CEP112: variants seen among roughly 807,000 people sequenced by gnomAD.
CEP112 encodes centrosomal protein of 112 kDa.
In CEP112, 127 loss-of-function variants were observed where a neutral mutation model predicts 153.0. The observed-to-expected ratio is 0.83, with a 90% CI of 0.72 to 0.96. The LOEUF is 0.96. Among genes scored for constraint, CEP112 ranks in the 40% least tolerant of loss-of-function variants. The probability of loss-of-function intolerance (pLI) is 0.00; values close to 1 mark genes in which losing one functional copy is unlikely to be tolerated. For missense variants in CEP112, 1,089 were observed against 1,101.2 expected (o/e 0.99, Z 0.16); for synonymous variants, 358 against 374.4 (o/e 0.96, Z 0.51).
In CEP112 at chr17:66,055,339, G is replaced by C. The variant is rs1357948652; in HGVS notation, c.1075-1460C>G. Among the ~76,000 whole-genome samples, 5 of 152,134 alleles carry C rather than the reference G, an allele frequency of 3.3e-5. No individual in the cohort carries two copies. The East Asian group carries it at 9.6e-4, about 29-fold the overall frequency. On this transcript the variant is annotated intron_variant, in intron 11 of 26. Coordinates refer to ENST00000535342, the MANE Select transcript of CEP112 (RefSeq NM_001199165.4). ...TTGCAAGTTTAACATACACAGTTTT[G>C]ATTATTTGTAAGTGGTCCCCGAAAT...
intron 19 of CEP112, 122 bp downstream of exon 19, chr17:65,927,460 T>C: frequency 3.4e-6 from 2 of 590,800 alleles, no homozygotes; most frequent in East Asian, 3.3e-5. Context: ...TTTAAATATA[T>C]TGGTAACAAC....
At chr17:66,007,716 T>C (rs2064333752) in intron 16 of CEP112, among the ~76,000 whole-genome samples, 1 of 152,118 alleles carries the variant, frequency 6.6e-6, no homozygotes, top group South Asian at 2.1e-4. Context: ...GAAAAGTCAA[T>C]GTATTCAAGT....
At chr17:66,063,522 G>A (rs2067002169) in intron 10 of CEP112, among the ~76,000 whole-genome samples, 1 of 152,026 alleles carries the variant, frequency 6.6e-6, no homozygotes, top group African/African-American at 2.4e-5. Context: ...GGGGGTGTGG[G>A]CTAAAAACTA....
intron 8 of CEP112, among the ~76,000 whole-genome samples, chr17:66,072,807 C>A (rs2067352226): frequency 6.6e-6 from 1 of 152,088 alleles, no homozygotes; most frequent in South Asian, 2.1e-4. Flanking sequence ...TCTATATTTC[C>A]ACCCTGTACT....
intron 20 of CEP112, among the ~76,000 whole-genome samples, chr17:65,872,754 A>G (rs2058705396): frequency 1.3e-5 from 2 of 152,210 alleles, no homozygotes; most frequent in South Asian, 4.1e-4. Context: ...TAATTTTTTC[A>G]CTGAAAACTA....
At chr17:66,168,433 GTATA>G (rs199719780) in intron 4 of CEP112, among the ~76,000 whole-genome samples, 2 of 147,100 alleles carry the variant, frequency 1.4e-5, no homozygotes, top group African/African-American at 2.5e-5. Flanking sequence ...GTATATATAT[GTATA>G]TATATGTGTG....
chr17:65,663,427 G>C (rs1245826913), intron 24 of CEP112, among the ~76,000 whole-genome samples: 1 of 152,152 alleles, frequency 6.6e-6, no homozygotes, highest in Non-Finnish European at 1.5e-5. Flanking sequence ...ACATGGTATA[G>C]CTCAACTTAG....
chr17:65,849,399 T>A (rs2057843101), intron 21 of CEP112, among the ~76,000 whole-genome samples: 1 of 152,222 alleles, frequency 6.6e-6, no homozygotes, highest in Non-Finnish European at 1.5e-5. Context: ...ATTATTTTTC[T>A]ATTTGAGGGC....
intron 12 of CEP112, among the ~76,000 whole-genome samples, chr17:66,044,987 T>C (rs1402041150): frequency 6.6e-6 from 1 of 151,758 alleles, no homozygotes; most frequent in East Asian, 1.9e-4. Context: ...GGGGATGAAA[T>C]GGCTATTTTA....
intron 4 of CEP112, among the ~76,000 whole-genome samples, chr17:66,174,554 C>T (rs1214595882): frequency 6.6e-6 from 1 of 152,140 alleles, no homozygotes; most frequent in Non-Finnish European, 1.5e-5. Context: ...TCTATCCCTT[C>T]CCTAAAGCCA....
intron 6 of CEP112, among the ~76,000 whole-genome samples, chr17:66,124,477 T>C (rs2069749117): frequency 1.3e-5 from 2 of 152,138 alleles, no homozygotes; most frequent in African/African-American, 4.8e-5. Context: ...TATCTGTTGA[T>C]CCAGCCAAAC....
At chr17:65,699,242 G>C (rs2048503098) in intron 23 of CEP112, among the ~76,000 whole-genome samples, 1 of 152,228 alleles carries the variant, frequency 6.6e-6, no homozygotes, top group African/African-American at 2.4e-5. Context: ...GCTTGGCAAA[G>C]TGTTATTTAC....
chr17:65,971,547 GTA>G (rs1453024185), intron 17 of CEP112, among the ~76,000 whole-genome samples: 5 of 151,976 alleles, frequency 3.3e-5, no homozygotes, highest in East Asian at 3.9e-4. Flanking sequence ...TATGTTGCAT[GTA>G]TGTTACATGT....
intron 24 of CEP112, 54 bp downstream of exon 24, chr17:65,689,075 C>T (rs1372322233): frequency 1.5e-6 from 2 of 1,329,194 alleles, no homozygotes; most frequent in African/African-American, 2.9e-5. Context: ...GCTGCACACA[C>T]TTCTTGACCT....
intron 8 of CEP112, among the ~76,000 whole-genome samples, chr17:66,078,551 C>T (rs556477935): frequency 2.6e-5 from 4 of 152,172 alleles, no homozygotes; most frequent in African/African-American, 9.6e-5. Context: ...CCACTGTGCT[C>T]GGGAAGTTTT....
intron 4 of CEP112, among the ~76,000 whole-genome samples, chr17:66,144,628 G>T (rs1320246575): frequency 6.6e-6 from 1 of 152,166 alleles, no homozygotes; most frequent in African/African-American, 2.4e-5. Context: ...AGGAGGTGGA[G>T]GTTGCAGTGA....
chr17:65,933,334 T>G (rs1339280742), intron 18 of CEP112, among the ~76,000 whole-genome samples: 1 of 152,128 alleles, frequency 6.6e-6, no homozygotes, highest in Non-Finnish European at 1.5e-5. Flanking sequence ...GACAGAAGAT[T>G]CAGAGGTTAC....
intron 25 of CEP112, among the ~76,000 whole-genome samples, chr17:65,637,814 G>A (rs926028429): frequency 6.6e-6 from 1 of 152,230 alleles, no homozygotes; most frequent in African/African-American, 2.4e-5. Context: ...ACAGGGCTGG[G>A]CATGTAGCTG....
At chr17:66,144,523 T>C (rs2070840402) in intron 4 of CEP112, among the ~76,000 whole-genome samples, 2 of 152,042 alleles carry the variant, frequency 1.3e-5, no homozygotes, top group Admixed American at 1.3e-4. Context: ...TGAAACCCCA[T>C]CTCTACTAAA....
Sources: allele counts gnomAD v4.1 joint callset (sites outside exome capture counted in the v4.1 genomes callset), GRCh38; gene constraint gnomAD v4.1.1; transcripts MANE v1.5; gene names NCBI Gene and HGNC (gene_info 2026-07-23, HGNC 2026-07-21).